AFAP1L2: variants seen among roughly 807,000 people sequenced by gnomAD.
The protein encoded by AFAP1L2 is actin filament associated protein 1 like 2, also known as actin filament-associated protein 1-like 2.
AFAP1L2 carries 46 observed loss-of-function variants against 99.3 expected under a neutral mutation model. The observed-to-expected ratio is 0.46, with a 90% CI of 0.37 to 0.59. The LOEUF (loss-of-function observed/expected upper bound fraction) is 0.59. AFAP1L2 is among the 20% of genes least tolerant of loss of function. The probability of loss-of-function intolerance (pLI) is 0.00; values close to 1 mark genes in which losing one functional copy is unlikely to be tolerated. For missense variants in AFAP1L2, 959 were observed against 1,034.9 expected (o/e 0.93, Z 1.01); for synonymous variants, 397 against 419.1 (o/e 0.95, Z 0.64).
chr10:114,285,884 G>A, the AFAP1L2 span: 13 of 1,503,710 alleles, frequency 8.6e-6, no homozygotes, highest in East Asian at 2.8e-4. Context: ...GGGTGGGACA[G>A]CTCGCATGCC....
chr10:114,352,317 A>C (rs1385973767), intron 1 of AFAP1L2, among the ~76,000 whole-genome samples: 1 of 151,908 alleles, frequency 6.6e-6, no homozygotes, highest in African/African-American at 2.4e-5. Context: ...TACTAAAAAT[A>C]CAAAAAATTA....
At chr10:114,379,001 C>G (rs770619666) in intron 1 of AFAP1L2, among the ~76,000 whole-genome samples, 23 of 152,110 alleles carry the variant, frequency 1.5e-4, no homozygotes, top group Non-Finnish European at 2.8e-4. Flanking sequence ...CGCCTGAGGT[C>G]AGGAGTTCAA....
chr10:114,400,952 A>T (rs190940986), intron 1 of AFAP1L2, among the ~76,000 whole-genome samples: 3 of 152,324 alleles, frequency 2.0e-5, no homozygotes, highest in Non-Finnish European at 4.4e-5. Flanking sequence ...TAACAAATAC[A>T]GATGATTCCT....
intron 12 of AFAP1L2, chr10:114,301,867 G>C: frequency 3.8e-6 from 1 of 261,358 alleles, no homozygotes; most frequent in Non-Finnish European, 7.4e-6. Flanking sequence ...TGAGAAAACT[G>C]ATTCTGTTTC....
chr10:114,285,041 C>T, the AFAP1L2 span: 7 of 1,242,724 alleles, frequency 5.6e-6, no homozygotes, highest in Middle Eastern at 2.3e-4. Flanking sequence ...CTTTTCATTG[C>T]ACGCCCTTCC....
chr10:114,295,262 T>C lies in AFAP1L2; in HGVS notation c.*780A>G, dbSNP rs1455152594. On this transcript the variant is annotated 3_prime_UTR_variant, in exon 19 of 19. Coordinates refer to ENST00000304129, the MANE Select transcript of AFAP1L2 (RefSeq NM_001001936.3). The stretch of plus-strand genomic sequence containing the variant: ...GTAATATTTTTCCTACAGTAAAGAG[T>C]CACTTTAATCTCAAAAGATACTTTT... The C allele has an allele frequency of 1.0e-6, 1 of 985,086 alleles. No individual in the cohort carries two copies. Among genetic ancestry groups the C allele is most frequent in the Non-Finnish European group, 1.2e-6 (1 of 829,452 alleles). The allele number at this position is 985,086 out of a possible 1,614,324, so 61.0% of individuals were successfully genotyped here.
intron 1 of AFAP1L2, among the ~76,000 whole-genome samples, chr10:114,345,029 G>A (rs1296555898): frequency 2.7e-5 from 4 of 150,018 alleles, no homozygotes; most frequent in East Asian, 2.0e-4. Context: ...CCTGAGAGAC[G>A]GAGGTTGCAG....
intron 11 of AFAP1L2, among the ~76,000 whole-genome samples, chr10:114,303,646 T>C (rs2041620471): frequency 6.6e-6 from 1 of 152,212 alleles, no homozygotes; most frequent in South Asian, 2.1e-4. Flanking sequence ...CAGCTTTTCA[T>C]GGGCCTCCCC....
chr10:114,297,290 T>G lies in AFAP1L2; in HGVS notation c.2237A>C (p.Lys746Thr), dbSNP rs745981925. ...TAACGTCACAGGCCCTGCCTCAGCC[T>G]TCTTCAGGTTGTCCTTCACCTCCAT... ...SIMEVKDNLK[K>T]AEAGPVTLGT... The change falls in exon 17 of 19, where the codon AAG becomes ACG. Residue 746 changes from lysine (K) to threonine (T), a missense_variant. Physicochemically the swap from Lys to Thr is moderately conservative, Grantham distance 78. Transcript: ENST00000304129. The G allele has an allele frequency of 1.2e-6, 2 of 1,613,926 alleles. No individual in the cohort carries two copies. The highest frequency in any genetic ancestry group is 1.7e-6 in the Non-Finnish European group (2 of 1,180,016).
Position 114,308,424 on chromosome 10 carries a change from T to G in AFAP1L2, c.967+9A>C, listed in dbSNP as rs1215189178. 1 of 1,612,696 alleles carries G rather than the reference T, an allele frequency of 6.2e-7. No individual in the cohort carries two copies. Among genetic ancestry groups the G allele is most frequent in the Admixed American group, 1.7e-5 (1 of 60,012 alleles). On this transcript the variant is annotated intron_variant, in intron 9 of 18. Coordinates refer to ENST00000304129, the MANE Select transcript of AFAP1L2 (RefSeq NM_001001936.3). Reference sequence around the variant, plus strand: ...GGACACCATTCCCCTCCCAACCACATGATGTTACCGTCTTTGGTTTCTGGG... The same window carrying G: ...GGACACCATTCCCCTCCCAACCACAGGATGTTACCGTCTTTGGTTTCTGGG...
chr10:114,282,027 T>TTTTTTTTTTTTTTA, the AFAP1L2 span, among the ~76,000 whole-genome samples: 1 of 149,984 alleles, frequency 6.7e-6, no homozygotes, highest in African/African-American at 2.5e-5. Flanking sequence ...CTTTTTTTTT[T>TTTTTTTTTTTTTTA]GAGATGGAGT....
chr10:114,342,876 G>C (rs1411189648), intron 1 of AFAP1L2, among the ~76,000 whole-genome samples: 2 of 152,244 alleles, frequency 1.3e-5, no homozygotes, highest in Non-Finnish European at 2.9e-5. Context: ...GTAGCTGTCT[G>C]TGTCGCCATT....
At chr10:114,370,074 A>C (rs1308026924) in intron 1 of AFAP1L2, among the ~76,000 whole-genome samples, 1 of 152,186 alleles carries the variant, frequency 6.6e-6, no homozygotes, top group East Asian at 1.9e-4. Context: ...ACTAATAGAA[A>C]ATTAGAGATA....
At chr10:114,402,617 T>G (rs778440160) in intron 1 of AFAP1L2, among the ~76,000 whole-genome samples, 8 of 152,206 alleles carry the variant, frequency 5.3e-5, no homozygotes, top group Non-Finnish European at 1.0e-4. Context: ...TTCCCTTCAG[T>G]TGGCAAAAAC....
At chr10:114,372,652 T>C in intron 1 of AFAP1L2, among the ~76,000 whole-genome samples, 1 of 151,666 alleles carries the variant, frequency 6.6e-6, no homozygotes, top group East Asian at 1.9e-4. Context: ...TATATACACA[T>C]ATATGTATAC....
chr10:114,360,466 T>C (rs1347613693), intron 1 of AFAP1L2, among the ~76,000 whole-genome samples: 3 of 152,076 alleles, frequency 2.0e-5, no homozygotes. Context: ...AATAGATAGA[T>C]ACCTCGATAT....
intron 1 of AFAP1L2, among the ~76,000 whole-genome samples, chr10:114,393,729 C>G (rs937345225): frequency 6.6e-6 from 1 of 152,090 alleles, no homozygotes; most frequent in African/African-American, 2.4e-5. Context: ...GAGTTGGGAG[C>G]GACACCTGGA....
chr10:114,292,102 G>GT (rs1382126065), downstream of AFAP1L2, among the ~76,000 whole-genome samples: 2 of 152,064 alleles, frequency 1.3e-5, no homozygotes, highest in Non-Finnish European at 2.9e-5. Flanking sequence ...CGTGGTGAAA[G>GT]TTTGTCTTTA....
At chr10:114,355,277 C>T (rs1256318522) in intron 1 of AFAP1L2, among the ~76,000 whole-genome samples, 13 of 121,624 alleles carry the variant, frequency 1.1e-4, no homozygotes, top group African/African-American at 2.9e-4. Flanking sequence ...TTTTTTGAGA[C>T]GGAGTCTCAC....
Sources: gnomAD v4.1 joint callset for allele counts (sites outside exome capture counted in the v4.1 genomes callset) on GRCh38, gnomAD v4.1.1 for gene constraint, MANE v1.5 for transcripts, NCBI Gene and HGNC (gene_info 2026-07-23, HGNC 2026-07-21) for gene names.